The following SRPK2 variants were observed in gnomAD, a reference collection of about 807,000 sequenced individuals.
SRPK2 encodes the protein SRSF protein kinase 2.
In SRPK2, 21 loss-of-function variants were observed where a neutral mutation model predicts 90.8. The observed-to-expected ratio is 0.23, with a 90% CI of 0.16 to 0.33. SRPK2 has a LOEUF of 0.33. Ranked by LOEUF, SRPK2 falls within the 10% of genes least tolerant of loss-of-function variation. SRPK2 has a pLI of 1.00. For missense variants in SRPK2, 620 were observed against 869.0 expected (o/e 0.71, Z 3.60); for synonymous variants, 288 against 311.1 (o/e 0.93, Z 0.78).
chr7:105,318,338 G>A (rs569975167), intron 2 of SRPK2, among the ~76,000 whole-genome samples: 124 of 151,790 alleles, frequency 8.2e-4, no homozygotes, highest in African/African-American at 1.6e-3. Flanking sequence ...CAGGTGATCC[G>A]CCCACCTCAG....
chr7:105,143,215 C>T lies in SRPK2; in HGVS notation c.929G>A (p.Arg310Lys). The stretch of plus-strand genomic sequence containing the variant: ...GGTGATGTTTTCTTCTATTATTTTC[C>T]TTTCAGCTTCTCGCTCCAATTCTTC... ...EIEELEREAERKIIEENITSA... is the reference protein window; with the variant it reads ...EIEELEREAEKKIIEENITSA... The change falls in exon 10 of 16, where the codon AGG (arginine) becomes AAG (lysine). Residue 310 changes from arginine to lysine, a missense_variant. Coordinates refer to ENST00000393651, the MANE Select transcript of SRPK2 (RefSeq NM_182692.3). 6.2e-7 allele frequency: 1 copy of T among 1,614,196 alleles called. No individual in the cohort carries two copies.
At chr7:105,229,280 G>A (rs530528008) in intron 2 of SRPK2, among the ~76,000 whole-genome samples, 23 of 152,190 alleles carry the variant, frequency 1.5e-4, no homozygotes, top group South Asian at 4.1e-4. Context: ...TTGCTAACAC[G>A]GTGAAACCCC....
intron 2 of SRPK2, among the ~76,000 whole-genome samples, chr7:105,386,138 C>T (rs994555979): frequency 5.9e-5 from 9 of 151,558 alleles, no homozygotes; most frequent in Admixed American, 2.6e-4. Flanking sequence ...CACGGTGAAA[C>T]CCCACCTCTA....
rs117475489 is a variant in SRPK2 at position 105,357,849 on chromosome 7, C to T, written c.71+30799G>A. Among the ~76,000 whole-genome samples, 47 of 152,236 alleles carry T rather than the reference C, an allele frequency of 3.1e-4. No homozygotes were observed. In the East Asian group the frequency reaches 8.7e-3, roughly 28 times the overall value. On this transcript the variant is annotated intron_variant, in intron 2 of 15. Transcript: ENST00000393651. ...TCAAATCTCTGGTAAATAAGATAGC[C>T]TTTGCCCATACAGGGGAAGCACAAC... is the stretch of plus-strand genomic sequence containing the variant.
At chr7:105,156,004 T>C (rs1286587963) in intron 7 of SRPK2, among the ~76,000 whole-genome samples, 2 of 152,022 alleles carry the variant, frequency 1.3e-5, no homozygotes. Context: ...CAGAGGGAAA[T>C]AGGGTACCTG....
At position 105,294,512 on chromosome 7, in the gene SRPK2, TTTTTGTTTTG is replaced by T. The variant is rs10594080; in HGVS notation, c.72-90737_72-90728del. Among the ~76,000 whole-genome samples the T allele has an allele frequency of 3.7e-3, 561 of 149,980 alleles. 2 individuals are homozygous for T. The highest frequency in any genetic ancestry group is 0.013 in the African/African-American group (523 of 40,664). On this transcript the variant is annotated intron_variant, in intron 2 of 15. Transcript: ENST00000393651. ...ATCTTTCTTTTTTGTTGTTGCTGTTTTTTTGTTTTGTTTTGTTTTGTTTTGTTTTGTTTTT... is the reference window on the plus strand; with the variant it reads ...ATCTTTCTTTTTTGTTGTTGCTGTTTTTTTGTTTTGTTTTGTTTTGTTTTT...
chr7:105,367,017 T>C (rs1373848439), intron 2 of SRPK2, among the ~76,000 whole-genome samples: 1 of 152,138 alleles, frequency 6.6e-6, no homozygotes, highest in Non-Finnish European at 1.5e-5. Context: ...AGACTTGCAC[T>C]AAACATAGTG....
intron 3 of SRPK2, among the ~76,000 whole-genome samples, chr7:105,201,022 C>T (rs953545854): frequency 1.3e-5 from 2 of 152,016 alleles, no homozygotes; most frequent in Non-Finnish European, 2.9e-5. Flanking sequence ...GTAAAATGTA[C>T]TAAAGTATTC....
chr7:105,367,075 T>G (rs79697886), intron 2 of SRPK2, among the ~76,000 whole-genome samples: 5,150 of 151,828 alleles, frequency 0.034, 254 homozygotes, highest in African/African-American at 0.11. Context: ...TTGTTTTTTT[T>G]TTTGTTTGTT....
chr7:105,221,117 C>T (rs1169912255), intron 2 of SRPK2, among the ~76,000 whole-genome samples: 2 of 152,152 alleles, frequency 1.3e-5, no homozygotes, highest in Non-Finnish European at 2.9e-5. Flanking sequence ...AAACATATTA[C>T]GGATATTCCT....
In SRPK2 at chr7:105,121,370, G is replaced by T. The variant is rs1181372091; in HGVS notation, c.1916-3348C>A. 3.1e-5 allele frequency among the ~76,000 whole-genome samples: 3 copies of T among 97,564 alleles called. No individual in the cohort carries two copies. In the Admixed American group the frequency reaches 3.3e-4, roughly 11 times the overall value. 64.0% of individuals were successfully genotyped at this position (97,564 alleles called of 152,430 possible). A position where few individuals can be genotyped will look rare whatever the true frequency, so the allele number is the denominator to read the frequency against. On this transcript the variant is annotated intron_variant, in intron 15 of 15. Transcript: ENST00000393651. ...AAAAAAAGGAAAAAAGAAAATATAT[G>T]AAGACGTAAAAAAAAAAAGAGAGAA...
Position 105,176,860 on chromosome 7 carries a change from CTT to C in SRPK2, c.230-7597_230-7596del, listed in dbSNP as rs559239940. Among the ~76,000 whole-genome samples, 145 of 152,098 alleles carry C rather than the reference CTT, an allele frequency of 9.5e-4. 1 individual carries two copies. The highest frequency in any genetic ancestry group is 5.6e-3 in the Admixed American group (85 of 15,258). On this transcript the variant is annotated intron_variant, in intron 3 of 15. Transcript: ENST00000393651. ...ATGTTGGCCAGGCTGTTCTTGAACT[CTT>C]GACCTCAGGTGATCCGCCTGCCCCG...
At chr7:105,253,393 G>GT (rs1358741964) in intron 2 of SRPK2, among the ~76,000 whole-genome samples, 2 of 152,142 alleles carry the variant, frequency 1.3e-5, no homozygotes, top group Non-Finnish European at 2.9e-5. Flanking sequence ...AAATGTGCAT[G>GT]TATTATCTAC....
At chr7:105,253,108 AT>A (rs532215679) in intron 2 of SRPK2, among the ~76,000 whole-genome samples, 2 of 152,212 alleles carry the variant, frequency 1.3e-5, no homozygotes, top group African/African-American at 2.4e-5. Flanking sequence ...TAGGAAAAAA[AT>A]ACGTAAGACT....
chr7:105,282,743 T>C (rs777950661), intron 2 of SRPK2, among the ~76,000 whole-genome samples: 1 of 152,112 alleles, frequency 6.6e-6, no homozygotes, highest in African/African-American at 2.4e-5. Flanking sequence ...GAGCCGAGAT[T>C]GTGCCACTGC....
At chr7:105,115,890 C>T (rs1203759995), downstream of SRPK2, among the ~76,000 whole-genome samples, 2 of 152,054 alleles carry the variant, frequency 1.3e-5, no homozygotes, top group African/African-American at 2.4e-5. Context: ...ATAGAAATCA[C>T]GGATAGCATC....
intron 7 of SRPK2, among the ~76,000 whole-genome samples, chr7:105,159,603 G>GTAGAA (rs1315429971): frequency 6.6e-6 from 1 of 152,022 alleles, no homozygotes; most frequent in Non-Finnish European, 1.5e-5. Flanking sequence ...CAGGCAATGA[G>GTAGAA]TAGAATACAT....
At chr7:105,183,974 A>ATT (rs57622134) in intron 3 of SRPK2, among the ~76,000 whole-genome samples, 9,645 of 116,224 alleles carry the variant, frequency 0.083, 972 homozygotes, top group African/African-American at 0.12. Context: ...ACTATTACCA[A>ATT]TTTTTTTTTT....
At chr7:105,216,991 C>A (rs1310291867) in intron 2 of SRPK2, among the ~76,000 whole-genome samples, 1 of 152,128 alleles carries the variant, frequency 6.6e-6, no homozygotes, top group Non-Finnish European at 1.5e-5. Flanking sequence ...CCTCACCTCC[C>A]CACTCTTCTG....
Sources: allele counts gnomAD v4.1 joint callset (sites outside exome capture counted in the v4.1 genomes callset), GRCh38; gene constraint gnomAD v4.1.1; transcripts MANE v1.5; gene names NCBI Gene and HGNC (gene_info 2026-07-23, HGNC 2026-07-21).